TLK1: variants seen among roughly 807,000 people sequenced by gnomAD.
TLK1 encodes the protein tousled like kinase 1, also known as serine/threonine-protein kinase tousled-like 1.
TLK1 carries 24 observed loss-of-function variants against 105.3 expected under a neutral mutation model. The ratio of observed to expected loss-of-function variants is 0.23; its 90% CI spans 0.17 to 0.32. The LOEUF is 0.32. Among genes scored for constraint, TLK1 ranks in the 10% least tolerant of loss-of-function variants. The probability of loss-of-function intolerance (pLI) is 1.00; values close to 1 mark genes in which losing one functional copy is unlikely to be tolerated. For synonymous variants in TLK1, 321 were observed against 310.4 expected (o/e 1.03, Z -0.36); for missense variants, 558 against 910.5 (o/e 0.61, Z 4.98).
intron 1 of TLK1, among the ~76,000 whole-genome samples, chr2:171,224,052 A>AT (rs1693856242): frequency 6.6e-6 from 1 of 151,466 alleles, no homozygotes; most frequent in African/African-American, 2.4e-5. Flanking sequence ...GCATTTCCCC[A>AT]TTTTTTTCTA....
intron 2 of TLK1, among the ~76,000 whole-genome samples, chr2:171,098,391 C>T (rs1326652643): frequency 6.6e-6 from 1 of 152,000 alleles, no homozygotes; most frequent in Non-Finnish European, 1.5e-5. Context: ...GTCAATCATA[C>T]CTCAATAAAG....
At chr2:171,174,355 A>C (rs982629485) in intron 1 of TLK1, among the ~76,000 whole-genome samples, 9 of 152,134 alleles carry the variant, frequency 5.9e-5, no homozygotes, top group African/African-American at 1.9e-4. Context: ...TTCAAGATGC[A>C]GCTCAAGCCT....
At chr2:171,111,836 G>A (rs189548131) in intron 2 of TLK1, among the ~76,000 whole-genome samples, 11 of 152,280 alleles carry the variant, frequency 7.2e-5, no homozygotes, top group Admixed American at 2.0e-4. Flanking sequence ...ATATACATTT[G>A]TCAAAACTCA....
At chr2:171,015,415 A>AACACACACAC (rs56238853) in intron 12 of TLK1, among the ~76,000 whole-genome samples, 153 of 132,692 alleles carry the variant, frequency 1.2e-3, no homozygotes, top group African/African-American at 4.3e-3. Flanking sequence ...TTGGAGTACA[A>AACACACACAC]ACACACACAC....
chr2:171,097,937 A>T (rs1327639920), intron 2 of TLK1, among the ~76,000 whole-genome samples: 1 of 149,244 alleles, frequency 6.7e-6, no homozygotes, highest in Admixed American at 6.7e-5. Flanking sequence ...AAGGAAAGGA[A>T]GGGAAAGGGG....
chr2:171,178,788 T>G (rs962898522), intron 1 of TLK1, among the ~76,000 whole-genome samples: 2 of 152,236 alleles, frequency 1.3e-5, no homozygotes, highest in African/African-American at 4.8e-5. Context: ...CAGAAGAAAT[T>G]TAAATGTTAG....
intron 2 of TLK1, among the ~76,000 whole-genome samples, chr2:171,115,627 A>T (rs1281804833): frequency 2.0e-5 from 3 of 152,212 alleles, no homozygotes; most frequent in Non-Finnish European, 2.9e-5. Flanking sequence ...TTATTAGATG[A>T]ATCAGAAAAT....
chr2:171,193,808 C>G (rs1057282092), intron 1 of TLK1, among the ~76,000 whole-genome samples: 2 of 145,394 alleles, frequency 1.4e-5, no homozygotes, highest in African/African-American at 2.6e-5. Context: ...CCTCTGCCTC[C>G]TGAGTTCAAG....
In TLK1 at chr2:171,100,368, T is replaced by C. The variant is rs114885914; in HGVS notation, c.258+17371A>G. On this transcript the variant is annotated intron_variant, in intron 2 of 20. Transcript: ENST00000431350. ...CCTCATGAATGGCCTGGTGCAACTCTTGCAGTAATGAGTGAGTTCTTACTC... is the reference window on the plus strand; with the variant it reads ...CCTCATGAATGGCCTGGTGCAACTCCTGCAGTAATGAGTGAGTTCTTACTC... Among the ~76,000 whole-genome samples, 532 of 152,270 alleles carry C rather than the reference T, an allele frequency of 3.5e-3. 6 individuals carry two copies. Among genetic ancestry groups the C allele is most frequent in the African/African-American group, 0.012 (490 of 41,552 alleles).
intron 1 of TLK1, among the ~76,000 whole-genome samples, chr2:171,156,611 A>T (rs947023677): frequency 8.5e-5 from 13 of 152,234 alleles, no homozygotes; most frequent in Non-Finnish European, 1.6e-4. Flanking sequence ...TAAAGGAGAC[A>T]TCTGTCACAT....
At chr2:171,163,843 A>T (rs1158418501), upstream of TLK1, among the ~76,000 whole-genome samples, 1 of 151,984 alleles carries the variant, frequency 6.6e-6, no homozygotes, top group Non-Finnish European at 1.5e-5. Flanking sequence ...CTCATGCCTC[A>T]GCCTCCTGAG....
At chr2:171,015,086 G>A in intron 12 of TLK1, 138 bp from the exon 13 acceptor site, 1 of 658,014 alleles carries the variant, frequency 1.5e-6, no homozygotes, top group African/African-American at 1.8e-5. Flanking sequence ...AAAGACCAAA[G>A]TGCTCTTTTC....
At chr2:171,216,247 C>T (rs566993121) in intron 1 of TLK1, among the ~76,000 whole-genome samples, 287 of 152,188 alleles carry the variant, frequency 1.9e-3, no homozygotes, top group Non-Finnish European at 3.3e-3. Flanking sequence ...GAGGCCGAGG[C>T]GGGCAGATCA....
chr2:171,013,788 T>A (rs1685044256), intron 13 of TLK1, among the ~76,000 whole-genome samples: 1 of 152,238 alleles, frequency 6.6e-6, no homozygotes, highest in African/African-American at 2.4e-5. Flanking sequence ...ATACTTATAT[T>A]AACTCATGAA....
chr2:171,057,018 C>G (rs1296030451), intron 5 of TLK1, among the ~76,000 whole-genome samples: 2 of 151,948 alleles, frequency 1.3e-5, no homozygotes, highest in South Asian at 2.1e-4. Context: ...TCAAGATACC[C>G]AAGTGTTCAT....
At chr2:171,027,360 A>G (rs975350551) in intron 12 of TLK1, among the ~76,000 whole-genome samples, 3 of 152,176 alleles carry the variant, frequency 2.0e-5, no homozygotes, top group Non-Finnish European at 2.9e-5. Flanking sequence ...ATTTTGAGGG[A>G]AAAAAACCTA....
At chr2:171,129,160 C>T (rs1433522524) in intron 1 of TLK1, among the ~76,000 whole-genome samples, 3 of 152,190 alleles carry the variant, frequency 2.0e-5, no homozygotes, top group Non-Finnish European at 2.9e-5. Context: ...TGTCTCTAAC[C>T]TAAGTACTCA....
At chr2:171,127,324 A>G (rs977856565) in intron 1 of TLK1, among the ~76,000 whole-genome samples, 1 of 151,808 alleles carries the variant, frequency 6.6e-6, no homozygotes, top group Non-Finnish European at 1.5e-5. Flanking sequence ...TCTATATTGT[A>G]TAACACTGGA....
chr2:171,094,558 C>T (rs1469304548), intron 2 of TLK1, among the ~76,000 whole-genome samples: 1 of 152,108 alleles, frequency 6.6e-6, no homozygotes, highest in African/African-American at 2.4e-5. Flanking sequence ...AGCATGTATT[C>T]AAGAATGCTT....
Sources: allele counts gnomAD v4.1 joint callset (sites outside exome capture counted in the v4.1 genomes callset), GRCh38; gene constraint gnomAD v4.1.1; transcripts MANE v1.5; gene names NCBI Gene and HGNC (gene_info 2026-07-23, HGNC 2026-07-21).